The following MAGI3 variants were observed in gnomAD, a reference collection of about 807,000 sequenced individuals.
MAGI3 encodes membrane-associated guanylate kinase, WW and PDZ domain-containing protein 3.
In MAGI3, 43 loss-of-function variants were observed where a neutral mutation model predicts 121.8. The observed-to-expected ratio is 0.35, with a 90% CI of 0.28 to 0.46. MAGI3 has a LOEUF of 0.46. MAGI3 is among the 20% of genes least tolerant of loss of function. The pLI is 1.00. For synonymous variants in MAGI3, 553 were observed against 639.3 expected, an observed-to-expected ratio of 0.86 and a Z score of 2.04; for missense variants, 1,547 against 1,797.3, an observed-to-expected ratio of 0.86 and a Z score of 2.52.
intron 6 of MAGI3, among the ~76,000 whole-genome samples, chr1:113,612,989 C>G (rs993364979): frequency 6.6e-6 from 1 of 152,066 alleles, no homozygotes; most frequent in Non-Finnish European, 1.5e-5. Flanking sequence ...CAGCTCTATT[C>G]AGTTCCCATG....
At chr1:113,473,577 C>A (rs945990405) in intron 1 of MAGI3, among the ~76,000 whole-genome samples, 2 of 152,054 alleles carry the variant, frequency 1.3e-5, no homozygotes, top group African/African-American at 4.8e-5. Context: ...CATCCATGTC[C>A]CTGCAAAGGA....
chr1:113,599,012 G>T (rs1308944773), intron 6 of MAGI3, among the ~76,000 whole-genome samples: 1 of 152,144 alleles, frequency 6.6e-6, no homozygotes, highest in Non-Finnish European at 1.5e-5. Context: ...TGCTTTGAAT[G>T]TGTCCCAGAG....
intron 9 of MAGI3, among the ~76,000 whole-genome samples, chr1:113,627,449 A>G (rs955082688): frequency 1.3e-5 from 2 of 151,714 alleles, no homozygotes; most frequent in Admixed American, 6.6e-5. Flanking sequence ...CATGTAGTCT[A>G]TAGTGCAGAT....
chr1:113,441,449 T>C (rs1260576556), intron 1 of MAGI3, among the ~76,000 whole-genome samples: 1 of 152,162 alleles, frequency 6.6e-6, no homozygotes, highest in Non-Finnish European at 1.5e-5. Context: ...AATTTTGCCA[T>C]AGAAACTGGT....
chr1:113,665,471 T>G (rs1653994291), intron 16 of MAGI3, among the ~76,000 whole-genome samples: 1 of 152,154 alleles, frequency 6.6e-6, no homozygotes, highest in South Asian at 2.1e-4. Context: ...CAAAATTGAC[T>G]ACATATTCAT....
chr1:113,558,355 A>T (rs1034072496), intron 2 of MAGI3, among the ~76,000 whole-genome samples: 36 of 152,344 alleles, frequency 2.4e-4, no homozygotes, highest in African/African-American at 8.2e-4. Flanking sequence ...GCCATTTTAG[A>T]GAGGAACATA....
chr1:113,461,124 G>C (rs1655011681), intron 1 of MAGI3, among the ~76,000 whole-genome samples: 1 of 152,148 alleles, frequency 6.6e-6, no homozygotes, highest in African/African-American at 2.4e-5. Context: ...TCATGGATAG[G>C]AAGACCCCAT....
At chr1:113,531,041 C>T (rs1658695417) in intron 1 of MAGI3, among the ~76,000 whole-genome samples, 1 of 152,144 alleles carries the variant, frequency 6.6e-6, no homozygotes, top group African/African-American at 2.4e-5. Flanking sequence ...AAACTGTACT[C>T]AAAGGAAACT....
intron 2 of MAGI3, among the ~76,000 whole-genome samples, chr1:113,566,719 A>G (rs1660446667): frequency 6.6e-6 from 1 of 152,168 alleles, no homozygotes; most frequent in Admixed American, 6.5e-5. Context: ...TCATGAGAGA[A>G]TTTAGGAAAT....
intron 2 of MAGI3, among the ~76,000 whole-genome samples, chr1:113,570,775 G>A (rs574152959): frequency 9.2e-5 from 14 of 152,120 alleles, no homozygotes; most frequent in African/African-American, 3.1e-4. Flanking sequence ...TAAGTTCCTT[G>A]TAGATTCTGG....
intron 1 of MAGI3, among the ~76,000 whole-genome samples, chr1:113,398,928 T>A (rs1651257236): frequency 6.6e-6 from 1 of 152,024 alleles, no homozygotes; most frequent in African/African-American, 2.4e-5. Context: ...AATTTACATA[T>A]CAGTTTCTGT....
intron 1 of MAGI3, among the ~76,000 whole-genome samples, chr1:113,396,021 G>A (rs1651096190): frequency 6.6e-6 from 1 of 151,986 alleles, no homozygotes; most frequent in African/African-American, 2.4e-5. Context: ...TGTTTTGAGA[G>A]ACAAATTTTT....
chr1:113,426,725 G>A (rs1653025292), intron 1 of MAGI3, among the ~76,000 whole-genome samples: 1 of 152,030 alleles, frequency 6.6e-6, no homozygotes, highest in Admixed American at 6.6e-5. Flanking sequence ...TTTTTAAAAT[G>A]TTTACATGAT....
chr1:113,486,709 T>G (rs553520390), intron 1 of MAGI3, among the ~76,000 whole-genome samples: 1 of 146,600 alleles, frequency 6.8e-6, no homozygotes, highest in South Asian at 2.3e-4. Context: ...TAGAGTGCAA[T>G]GGCATGATCA....
At chr1:113,620,951 T>G (rs933715135) in intron 8 of MAGI3, among the ~76,000 whole-genome samples, 7 of 152,244 alleles carry the variant, frequency 4.6e-5, no homozygotes, top group African/African-American at 1.7e-4. Flanking sequence ...TAAGCACATG[T>G]TGACTAATAA....
intron 11 of MAGI3, 71 bp downstream of exon 11, chr1:113,643,845 A>T: frequency 7.0e-7 from 1 of 1,428,998 alleles, no homozygotes; most frequent in Non-Finnish European, 9.9e-7. Context: ...CCTCTGTAAG[A>T]GGAGCTCACT....
chr1:113,516,855 T>C (rs1298203996), intron 1 of MAGI3, among the ~76,000 whole-genome samples: 1 of 152,058 alleles, frequency 6.6e-6, no homozygotes, highest in Non-Finnish European at 1.5e-5. Context: ...ATAGTGTGTG[T>C]ATCCTTAACA....
At chr1:113,652,570 C>A (rs1040815204) in intron 14 of MAGI3, among the ~76,000 whole-genome samples, 1 of 151,892 alleles carries the variant, frequency 6.6e-6, no homozygotes, top group Non-Finnish European at 1.5e-5. Context: ...ACAACCTACG[C>A]TCTTCCCTGG....
At chr1:113,677,646 A>G (rs776090663) in intron 19 of MAGI3, among the ~76,000 whole-genome samples, 7 of 152,202 alleles carry the variant, frequency 4.6e-5, no homozygotes, top group African/African-American at 1.4e-4. Context: ...AAACGACAAG[A>G]CTGCCTATAA....
Sources: allele counts gnomAD v4.1 joint callset (sites outside exome capture counted in the v4.1 genomes callset), GRCh38; gene constraint gnomAD v4.1.1; transcripts MANE v1.5; gene names NCBI Gene and HGNC (gene_info 2026-07-23, HGNC 2026-07-21).